PPP1CC: variants seen among roughly 807,000 people sequenced by gnomAD.
PPP1CC encodes protein phosphatase 1 catalytic subunit gamma.
Under a neutral mutation model 38.4 loss-of-function variants are expected in PPP1CC, and 16 were observed. The observed-to-expected ratio is 0.42, with a 90% CI of 0.28 to 0.63. The LOEUF is 0.63. PPP1CC is among the 30% of genes least tolerant of loss of function. The probability of loss-of-function intolerance (pLI) is 0.25; values close to 1 mark genes in which losing one functional copy is unlikely to be tolerated. For missense variants in PPP1CC, 170 were observed against 391.3 expected (o/e 0.43, Z 4.77); for synonymous variants, 158 against 136.0 (o/e 1.16, Z -1.13).
intron 1 of PPP1CC, among the ~76,000 whole-genome samples, chr12:110,737,111 C>A (rs2069952183): frequency 6.6e-6 from 1 of 152,172 alleles, no homozygotes; most frequent in Non-Finnish European, 1.5e-5. Context: ...ACAGTAAATA[C>A]TTCCAACATT....
At chr12:110,733,220 A>G (rs2069901052) in intron 1 of PPP1CC, among the ~76,000 whole-genome samples, 2 of 152,232 alleles carry the variant, frequency 1.3e-5, no homozygotes, top group Admixed American at 6.5e-5. Flanking sequence ...TGATTTCACC[A>G]TAAGTTAACC....
intron 3 of PPP1CC, 76 bp from the exon 4 acceptor site, chr12:110,724,840 TC>T: frequency 1.2e-6 from 1 of 820,338 alleles, no homozygotes; most frequent in South Asian, 1.6e-5. Context: ...AGGATTAACT[TC>T]CCCCAAAGCA....
intron 3 of PPP1CC, among the ~76,000 whole-genome samples, chr12:110,729,708 C>T (rs1431968010): frequency 6.6e-6 from 1 of 152,124 alleles, no homozygotes; most frequent in African/African-American, 2.4e-5. Flanking sequence ...TAATTATTTA[C>T]GTATTGCAAG....
downstream of PPP1CC, among the ~76,000 whole-genome samples, chr12:110,716,886 C>T (rs1246707910): frequency 2.0e-5 from 3 of 152,226 alleles, no homozygotes; most frequent in Non-Finnish European, 4.4e-5. Context: ...ATGAACCACC[C>T]ACTAATTCAG....
chr12:110,742,874 C>T lies in PPP1CC; in HGVS notation c.-167G>A. ...GCTCCCTACTTCCTCCTTCTCTCCC[C>T]ACTGGAACCACGAGAAGAACAAAAT... is the stretch of plus-strand genomic sequence containing the variant. On this transcript the variant is annotated 5_prime_UTR_variant, in exon 1 of 7. Transcript: ENST00000335007. The T allele has an allele frequency of 2.3e-6, 1 of 436,628 alleles. No homozygotes were observed. The highest frequency in any genetic ancestry group is 3.9e-6 in the Non-Finnish European group (1 of 253,994). 27.0% of individuals were successfully genotyped at this position (436,628 alleles called of 1,614,324 possible).
intron 1 of PPP1CC, among the ~76,000 whole-genome samples, chr12:110,735,393 AG>A (rs2069931785): frequency 6.6e-6 from 1 of 152,308 alleles, no homozygotes; most frequent in Admixed American, 6.5e-5. Context: ...ACTTAGTCCA[AG>A]GTCACAGAGC....
At chr12:110,738,708 T>G (rs1164358059) in intron 1 of PPP1CC, among the ~76,000 whole-genome samples, 1 of 152,058 alleles carries the variant, frequency 6.6e-6, no homozygotes, top group Non-Finnish European at 1.5e-5. Context: ...GTGTGTCACA[T>G]CCCCCGCAAG....
chr12:110,717,297 T>C (rs1257789463), downstream of PPP1CC, among the ~76,000 whole-genome samples: 2 of 152,228 alleles, frequency 1.3e-5, no homozygotes, highest in Non-Finnish European at 2.9e-5. Context: ...CTGAAAGTTC[T>C]TACTCATCAA....
chr12:110,718,953 T>A (rs1272321881), downstream of PPP1CC, among the ~76,000 whole-genome samples: 1 of 152,114 alleles, frequency 6.6e-6, no homozygotes, highest in East Asian at 1.9e-4. Context: ...AATAATGATA[T>A]AATCCTTAGT....
chr12:110,739,917 G>A (rs1316465140), intron 1 of PPP1CC, among the ~76,000 whole-genome samples: 2 of 152,170 alleles, frequency 1.3e-5, no homozygotes, highest in African/African-American at 2.4e-5. Flanking sequence ...ACTAACATCA[G>A]TTATACTAAG....
intron 1 of PPP1CC, among the ~76,000 whole-genome samples, chr12:110,735,579 C>T (rs1162250109): frequency 6.6e-6 from 1 of 151,570 alleles, no homozygotes; most frequent in Non-Finnish European, 1.5e-5. Flanking sequence ...GTTAGGAGTT[C>T]GAGACCAGCC....
rs889930495 is a variant in PPP1CC, at chr12:110,742,839, CT to C, written c.-133del. ...GCAGCAGCCGCGGCGGGTCCCCCCC[CT>C]GCCACCCCGCTCCCTACTTCCTCCT... is the stretch of plus-strand genomic sequence containing the variant. On this transcript the variant is annotated 5_prime_UTR_variant, in exon 1 of 7. Transcript: ENST00000335007. 57 of 585,038 alleles carry C rather than the reference CT, an allele frequency of 9.7e-5. No homozygotes were observed. The highest frequency in any genetic ancestry group is 3.1e-4 in the Middle Eastern group (1 of 3,176). 36.2% of individuals were successfully genotyped at this position (585,038 alleles called of 1,614,324 possible). A position where few individuals can be genotyped will look rare whatever the true frequency, so the allele number is the denominator to read the frequency against.
At chr12:110,717,127 A>C (rs1209456016), downstream of PPP1CC, among the ~76,000 whole-genome samples, 1 of 152,198 alleles carries the variant, frequency 6.6e-6, no homozygotes, top group East Asian at 1.9e-4. Flanking sequence ...AATGCTTATG[A>C]CTAAGGCAAG....
At chr12:110,736,054 A>C (rs1008756054) in intron 1 of PPP1CC, among the ~76,000 whole-genome samples, 26 of 126,384 alleles carry the variant, frequency 2.1e-4, no homozygotes, top group Non-Finnish European at 3.8e-4. Flanking sequence ...CAAGAATAAG[A>C]CTTTGTCTCA....
intron 1 of PPP1CC, among the ~76,000 whole-genome samples, chr12:110,738,253 T>G (rs1158315873): frequency 6.6e-6 from 1 of 152,226 alleles, no homozygotes; most frequent in Non-Finnish European, 1.5e-5. Flanking sequence ...TTCTTGATGC[T>G]TTGGATACAG....
intron 1 of PPP1CC, among the ~76,000 whole-genome samples, chr12:110,733,666 G>A (rs1016801611): frequency 6.6e-6 from 1 of 152,164 alleles, no homozygotes; most frequent in African/African-American, 2.4e-5. Context: ...CCAGGCTGGA[G>A]TGCAGTGGCA....
chr12:110,727,809 T>G (rs113317625), intron 3 of PPP1CC, among the ~76,000 whole-genome samples: 1 of 152,162 alleles, frequency 6.6e-6, no homozygotes, highest in Non-Finnish European at 1.5e-5. Flanking sequence ...GGCACTTTCA[T>G]GCCCACAAGT....
At chr12:110,716,767 C>A (rs900150363), downstream of PPP1CC, among the ~76,000 whole-genome samples, 1 of 152,158 alleles carries the variant, frequency 6.6e-6, no homozygotes, top group South Asian at 2.1e-4. Flanking sequence ...GAAATACTTA[C>A]CTGTGTTTGA....
At chr12:110,713,408 C>T in the PPP1CC span, among the ~76,000 whole-genome samples, 1 of 152,152 alleles carries the variant, frequency 6.6e-6, no homozygotes, top group Non-Finnish European at 1.5e-5. Context: ...GTTGGGATTA[C>T]AGGCGTGAGC....
Sources: gnomAD v4.1 joint callset for allele counts (sites outside exome capture counted in the v4.1 genomes callset) on GRCh38, gnomAD v4.1.1 for gene constraint, MANE v1.5 for transcripts, NCBI Gene and HGNC (gene_info 2026-07-23, HGNC 2026-07-21) for gene names.